AWAT2: variants seen among roughly 807,000 people sequenced by gnomAD.
The protein encoded by AWAT2 is 11-cis-RE-synthase.
Under a neutral mutation model 22.3 loss-of-function variants are expected in AWAT2, and 9 were observed. The ratio of observed to expected loss-of-function variants is 0.40; its 90% CI spans 0.24 to 0.70. The LOEUF (loss-of-function observed/expected upper bound fraction) is 0.70, where lower values mean the gene tolerates loss of function less well. Ranked by LOEUF, AWAT2 falls within the 30% of genes least tolerant of loss-of-function variation. The pLI is 0.36. For synonymous variants in AWAT2, 100 were observed against 93.4 expected (o/e 1.07, Z -0.40); for missense variants, 217 against 265.9 (o/e 0.82, Z 1.28).
At chrX:70,048,331 GT>G (rs2020377350) in intron 1 of AWAT2, among the ~76,000 whole-genome samples, 1 of 111,389 alleles carries the variant, frequency 9.0e-6, no homozygotes, top group East Asian at 2.8e-4. Context: ...TCCCCTGCCT[GT>G]TTCTCCAGTC....
chrX:70,043,221 G>A lies in AWAT2; in HGVS notation c.495C>T (p.Ser165=), dbSNP rs1368098293. 8.3e-7 allele frequency: 1 copy of A among 1,205,268 alleles called. No individual in the cohort carries two copies. The highest frequency in any genetic ancestry group is 1.8e-5 in the South Asian group (1 of 55,248). ...TATGAGTCAGCAGAAAGTCAATGGA[G>A]GATCGACTCACAGAGCAGGCCCCTG... ...MSTGACSVSR[S]SIDFLLTHKG... is the part of the protein sequence containing the mutation. Residue 165 remains serine (S), a synonymous_variant, in exon 5 of 8, where the codon TCC becomes TCT. Transcript: ENST00000276101.
chrX:70,041,644 T>A, intron 7 of AWAT2, 22 bp from the exon 8 acceptor site: 2 of 436,109 alleles, frequency 4.6e-6, no homozygotes, highest in Non-Finnish European at 3.7e-6. Flanking sequence ...AAAAAGGAGG[T>A]GGGAAAAGGA....
chrX:70,044,512 C>T (rs2020350602), intron 1 of AWAT2, 50 bp from the exon 2 acceptor site: 2 of 1,180,586 alleles, frequency 1.7e-6, no homozygotes, highest in Non-Finnish European at 2.3e-6. Flanking sequence ...GTCCCTCACA[C>T]TTACCCTCTC....
chrX:70,044,233 C>G (rs969202994), intron 2 of AWAT2, 119 bp downstream of exon 2: 1 of 1,115,204 alleles, frequency 9.0e-7, no homozygotes, highest in African/African-American at 1.8e-5. Flanking sequence ...GCCTCTCTAG[C>G]CCAGGGAGGG....
chrX:70,042,891 CTT>C lies in AWAT2; in HGVS notation c.647+176_647+177del, dbSNP rs770818727. On this transcript the variant is annotated intron_variant, in intron 5 of 7. Coordinates refer to ENST00000276101, the MANE Select transcript of AWAT2 (RefSeq NM_001002254.1). ...CCTCCTCCCTCTTTTTTTTTTTTAA[CTT>C]ATTTATTTTTTTAATTGACAAATAA... The C allele has an allele frequency of 1.0e-3, 397 of 385,802 alleles. 2 individuals carry two copies. The highest frequency in any genetic ancestry group is 0.01 in the African/African-American group (371 of 36,930). The allele number at this position is 385,802 out of a possible 1,213,427, so 31.8% of individuals were successfully genotyped here.
Position 70,046,848 on chromosome X carries a change from G to A in AWAT2, c.86-2386C>T, listed in dbSNP as rs191656713. On this transcript the variant is annotated intron_variant, in intron 1 of 7. Coordinates refer to ENST00000276101, the MANE Select transcript of AWAT2 (RefSeq NM_001002254.1). ...CGGTTTCTTTTTCCAGAAAAACTTT[G>A]AAATTATTTTGTCAAATTGCAATGA... Among the ~76,000 whole-genome samples, 515 of 111,768 alleles carry A rather than the reference G, an allele frequency of 4.6e-3. 5 individuals carry two copies. The highest frequency in any genetic ancestry group is 0.016 in the African/African-American group (493 of 30,819).
In AWAT2 at chrX:70,041,753, C is replaced by G. The variant is rs1168458996; in HGVS notation, c.*35+20G>C. On this transcript the variant is annotated intron_variant, in intron 7 of 7. Coordinates refer to ENST00000276101, the MANE Select transcript of AWAT2 (RefSeq NM_001002254.1). ...GATAGGTGACTTTTGTCCTCCTGTT[C>G]TCACTGGGTCCATCCATACCTTCCA... 1 of 1,165,169 alleles carries G rather than the reference C, an allele frequency of 8.6e-7. No individual in the cohort carries two copies. The highest frequency in any genetic ancestry group is 1.2e-6 in the Non-Finnish European group (1 of 864,294).
At position 70,043,696 on chromosome X, in the gene AWAT2, T is replaced by C. The variant is rs1261524463; in HGVS notation, c.268-14A>G. ...AGTCTTCAGAAGCTGCGGAAGAAAG[T>C]AGAATCAGGAGGGCTATTCCCAGGG... On this transcript the variant is annotated splice_polypyrimidine_tract_variant and intron_variant, in intron 3 of 7. Transcript: ENST00000276101. The C allele has an allele frequency of 1.7e-6, 2 of 1,188,028 alleles. No individual in the cohort carries two copies. Among genetic ancestry groups the C allele is most frequent in the Admixed American group, 4.5e-5 (2 of 44,606 alleles).
At position 70,043,157 on chromosome X, in the gene AWAT2, G is replaced by T. The variant is rs1033254699; in HGVS notation, c.559C>A (p.Leu187Met). The stretch of plus-strand genomic sequence containing the variant: ...GGCAGGCTGTATCTGCACTCAGCCA[G>T]TCCACCAATCACCACAATGACCATG... Reference protein sequence around the residue: ...GNMVIVVIGGLAECRYSLPGS... With the variant: ...GNMVIVVIGGMAECRYSLPGS... The change falls in exon 5 of 8, where the codon CTG becomes ATG. Residue 187 changes from leucine (L) to methionine (M), a missense_variant. Physicochemically the swap from Leu to Met is conservative, Grantham distance 15 (BLOSUM62 2). Transcript: ENST00000276101. 5.8e-6 allele frequency: 7 copies of T among 1,206,834 alleles called. No homozygotes were observed. The highest frequency in any genetic ancestry group is 7.8e-6 in the Non-Finnish European group (7 of 893,180).
Position 70,043,931 on chromosome X carries a change from G to C in AWAT2, c.262C>G (p.Leu88Val). ...LWKHYSDYFP[L>V]KLLKTHDICP... ...GGGGACCTGGGGCTACTGACCTTGA[G>C]AGGGAAATAATCGCTGTAGTGTTTC... The change falls in exon 3 of 8, where the codon CTC becomes GTC. Residue 88 changes from leucine to valine, a missense_variant. Physicochemically the swap from Leu to Val is conservative, Grantham distance 32. Transcript: ENST00000276101. 6 of 1,203,400 alleles carry C rather than the reference G, an allele frequency of 5.0e-6. No individual in the cohort carries two copies. The highest frequency in any genetic ancestry group is 6.7e-6 in the Non-Finnish European group (6 of 891,188).
chrX:70,043,137 G>A lies in AWAT2; in HGVS notation c.579C>T (p.Ser193=). 1 of 1,202,713 alleles carries A rather than the reference G, an allele frequency of 8.3e-7. No homozygotes were observed. The highest frequency in any genetic ancestry group is 1.1e-6 in the Non-Finnish European group (1 of 891,010). ...ACACCAGGGTAGAAGAACCTGGCAG[G>A]CTGTATCTGCACTCAGCCAGTCCAC... ...VIGGLAECRY[S]LPGSSTLVLK... Residue 193 remains serine (S), a synonymous_variant, in exon 5 of 8, where the codon AGC becomes AGT. Coordinates refer to ENST00000276101, the MANE Select transcript of AWAT2 (RefSeq NM_001002254.1).
At position 70,040,991 on chromosome X, in the gene AWAT2, A is replaced by G. The variant is rs1474122367; in HGVS notation, c.*667T>C. The G allele has an allele frequency of 8.9e-6, 1 of 112,259 alleles. No individual in the cohort carries two copies. Among genetic ancestry groups the G allele is most frequent in the African/African-American group, 3.2e-5 (1 of 30,858 alleles). 9.3% of individuals were successfully genotyped at this position (112,259 alleles called of 1,213,427 possible). A position where few individuals can be genotyped will look rare whatever the true frequency, so the allele number is the denominator to read the frequency against. On this transcript the variant is annotated 3_prime_UTR_variant, in exon 8 of 8. Coordinates refer to ENST00000276101, the MANE Select transcript of AWAT2 (RefSeq NM_001002254.1). The stretch of plus-strand genomic sequence containing the variant: ...ACAAGTATAGGCAAGTTGCTGAGGG[A>G]ATGACAGAGAAAATTAGGCCTGAGC...
At chrX:70,044,063 C>A in intron 2 of AWAT2, 67 bp from the exon 3 acceptor site, 1 of 1,083,563 alleles carries the variant, frequency 9.2e-7, no homozygotes. Context: ...AGGGTGCTCT[C>A]ACCCCCTGCT....
At position 70,044,378 on chromosome X, in the gene AWAT2, G is replaced by A; in HGVS notation, c.170C>T (p.Ala57Val). The change falls in exon 2 of 8, where the codon GCT becomes GTT. Residue 57 changes from alanine to valine, a missense_variant. Coordinates refer to ENST00000276101, the MANE Select transcript of AWAT2 (RefSeq NM_001002254.1). ...PVTVLILTWL[A>V]FDWKTPQRGG... ...TCGCTGAGGGGTCTTCCAGTCAAAAGCCAGCCAGGTAAGAATAAGCACAGT... is the reference window on the plus strand; with the variant it reads ...TCGCTGAGGGGTCTTCCAGTCAAAAACCAGCCAGGTAAGAATAAGCACAGT... 8.3e-7 allele frequency: 1 copy of A among 1,211,750 alleles called. No individual in the cohort carries two copies. The highest frequency in any genetic ancestry group is 1.1e-6 in the Non-Finnish European group (1 of 895,469).
intron 1 of AWAT2, among the ~76,000 whole-genome samples, chrX:70,048,146 A>G (rs2020375559): frequency 9.1e-6 from 1 of 110,028 alleles, no homozygotes; most frequent in African/African-American, 3.3e-5. Context: ...TTATTGCAAC[A>G]GCCTCCTACC....
Position 70,049,829 on chromosome X carries a change from C to T in AWAT2, c.85+19G>A, listed in dbSNP as rs1047077526. 2.1e-5 allele frequency: 25 copies of T among 1,209,973 alleles called. No individual in the cohort carries two copies. The highest frequency in any genetic ancestry group is 2.8e-5 in the Non-Finnish European group (25 of 894,317). ...CAAGCCAGGATGGTTGGTCACCCTA[C>T]CAAAGGCTGAAGACTCACTGATAAG... On this transcript the variant is annotated intron_variant, in intron 1 of 7. Transcript: ENST00000276101.
chrX:70,049,752 C>A (rs895837911), intron 1 of AWAT2, 96 bp downstream of exon 1: 6 of 1,049,171 alleles, frequency 5.7e-6, no homozygotes, highest in Non-Finnish European at 7.9e-6. Context: ...ACTGGAACAA[C>A]CCTAGTTTGA....
chrX:70,043,809 G>A (rs2020345904), intron 3 of AWAT2, 117 bp downstream of exon 3: 4 of 986,582 alleles, frequency 4.1e-6, no homozygotes, highest in African/African-American at 3.9e-5. Flanking sequence ...AACTCCAGGG[G>A]GCGTCATTCT....
chrX:70,046,407 ATTT>A (rs59748319), intron 1 of AWAT2, among the ~76,000 whole-genome samples: 7 of 81,120 alleles, frequency 8.6e-5, no homozygotes, highest in Non-Finnish European at 7.5e-5. Context: ...ACTGTACTCA[ATTT>A]TTTTTTTTTT....
Sources: allele counts gnomAD v4.1 joint callset (sites outside exome capture counted in the v4.1 genomes callset), GRCh38; gene constraint gnomAD v4.1.1; transcripts MANE v1.5; gene names NCBI Gene and HGNC (gene_info 2026-07-23, HGNC 2026-07-21).